SLC35F4: variants seen among roughly 807,000 people sequenced by gnomAD.
SLC35F4 encodes the protein chromosome 14 open reading frame 36.
A neutral mutation model predicts 44.2 loss-of-function variants in SLC35F4; 24 were observed. The ratio of observed to expected loss-of-function variants is 0.54; its 90% CI spans 0.39 to 0.76. SLC35F4 has a LOEUF of 0.76. Ranked by LOEUF, SLC35F4 falls within the 30% of genes least tolerant of loss-of-function variation. The probability of loss-of-function intolerance (pLI) is 0.00; values close to 1 mark genes in which losing one functional copy is unlikely to be tolerated. For synonymous variants in SLC35F4, 238 were observed against 223.6 expected (o/e 1.06, Z -0.57); for missense variants, 562 against 586.1 (o/e 0.96, Z 0.42).
At chr14:57,667,664 T>G (rs1453471544) in intron 1 of SLC35F4, among the ~76,000 whole-genome samples, 2 of 151,868 alleles carry the variant, frequency 1.3e-5, no homozygotes. Context: ...GGACATGAAC[T>G]CATCCTTGTT....
intron 1 of SLC35F4, among the ~76,000 whole-genome samples, chr14:57,940,096 G>C (rs1889888919): frequency 6.6e-6 from 1 of 152,174 alleles, no homozygotes; most frequent in Non-Finnish European, 1.5e-5. Context: ...ATCCTCCAGT[G>C]CTCAGCAAGG....
intron 1 of SLC35F4, among the ~76,000 whole-genome samples, chr14:57,685,920 T>C (rs2075053217): frequency 6.6e-6 from 1 of 152,224 alleles, no homozygotes; most frequent in African/African-American, 2.4e-5. Flanking sequence ...CAGATAACCA[T>C]GTTCATTTGA....
chr14:57,672,658 T>C (rs2074556693), intron 1 of SLC35F4, among the ~76,000 whole-genome samples: 1 of 152,084 alleles, frequency 6.6e-6, no homozygotes, highest in Non-Finnish European at 1.5e-5. Context: ...TCAAATCTAC[T>C]TAAGAGAACT....
chr14:57,941,304 A>G (rs1889912235), intron 1 of SLC35F4, among the ~76,000 whole-genome samples: 1 of 152,244 alleles, frequency 6.6e-6, no homozygotes, highest in African/African-American at 2.4e-5. Flanking sequence ...ATTAATGGAT[A>G]AATGGCTAAA....
At chr14:57,972,086 T>C (rs1187210761), downstream of SLC35F4, among the ~76,000 whole-genome samples, 1 of 149,650 alleles carries the variant, frequency 6.7e-6, no homozygotes, top group African/African-American at 2.4e-5. Flanking sequence ...CAGCATGAGG[T>C]GGAAAAGAGT....
At position 57,937,385 on chromosome 14, in the gene SLC35F4, T is replaced by C. The variant is rs17093968; in HGVS notation, n.282+44528A>G. 0.023 allele frequency among the ~76,000 whole-genome samples: 3,451 copies of C among 152,060 alleles called. 404 individuals carry two copies. The East Asian group carries it at 0.39, about 17-fold the overall frequency. ...ACCTGGCCTTTACCCACTTTTGAAATGTAGCTGCCTTGATCTAGTCACAGT... is the reference window on the plus strand; with the variant it reads ...ACCTGGCCTTTACCCACTTTTGAAACGTAGCTGCCTTGATCTAGTCACAGT... On this transcript the variant is annotated intron_variant and non_coding_transcript_variant, in intron 1 of 1. Transcript: ENST00000556568.
At chr14:57,956,791 A>T (rs1890246206) in intron 1 of SLC35F4, among the ~76,000 whole-genome samples, 1 of 152,238 alleles carries the variant, frequency 6.6e-6, no homozygotes, top group African/African-American at 2.4e-5. Flanking sequence ...TCAGGAAACA[A>T]CAGATGCTGG....
chr14:57,819,357 T>A (rs1882926140), intron 1 of SLC35F4, among the ~76,000 whole-genome samples: 1 of 152,128 alleles, frequency 6.6e-6, no homozygotes, highest in Admixed American at 6.5e-5. Flanking sequence ...ACACAATGTT[T>A]AACAATAAGG....
At position 57,740,208 on chromosome 14, in the gene SLC35F4, T is replaced by C. The variant is rs1028627586; in HGVS notation, c.103+125515A>G. Among the ~76,000 whole-genome samples, 5 of 152,258 alleles carry C rather than the reference T, an allele frequency of 3.3e-5. No homozygotes were observed. In the East Asian group the frequency reaches 9.6e-4, roughly 29 times the overall value. ...GCTCTTGGGAGACTACTGTATCTAATTGAAAGAATGATATAAAAAAACCAC... is the reference window on the plus strand; with the variant it reads ...GCTCTTGGGAGACTACTGTATCTAACTGAAAGAATGATATAAAAAAACCAC... On this transcript the variant is annotated intron_variant, in intron 1 of 7. Coordinates refer to ENST00000556826, the MANE Select transcript of SLC35F4 (RefSeq NM_001306087.2).
intron 1 of SLC35F4, among the ~76,000 whole-genome samples, chr14:57,756,442 A>C (rs777123219): frequency 6.6e-6 from 1 of 152,096 alleles, no homozygotes; most frequent in Admixed American, 6.5e-5. Flanking sequence ...AGCAGAAAAC[A>C]TACTCTGTAT....
rs138438239 is a variant in SLC35F4, at chr14:57,572,219, G to C, written c.808-200C>G. 2.0e-3 allele frequency among the ~76,000 whole-genome samples: 300 copies of C among 152,146 alleles called. 1 individual carries two copies. The highest frequency in any genetic ancestry group is 6.9e-3 in the African/African-American group (287 of 41,522). Reference sequence around the variant, plus strand: ...TATCCAGGCACAGAATATAAAAGCTGTTCACATTCTAATTAAAGACTAGTA... The same window carrying C: ...TATCCAGGCACAGAATATAAAAGCTCTTCACATTCTAATTAAAGACTAGTA... On this transcript the variant is annotated intron_variant, in intron 4 of 7. Coordinates refer to ENST00000556826, the MANE Select transcript of SLC35F4 (RefSeq NM_001306087.2).
chr14:57,675,662 G>C (rs1456154028), intron 1 of SLC35F4, among the ~76,000 whole-genome samples: 1 of 151,962 alleles, frequency 6.6e-6, no homozygotes, highest in African/African-American at 2.4e-5. Context: ...GTCATATATT[G>C]CTTTTATTAC....
chr14:57,721,579 C>A (rs2076085941), intron 1 of SLC35F4, among the ~76,000 whole-genome samples: 1 of 152,120 alleles, frequency 6.6e-6, no homozygotes, highest in African/African-American at 2.4e-5. Context: ...ATGTGAGTGG[C>A]AAACCTGCCA....
chr14:57,803,008 A>C (rs2078227972), intron 1 of SLC35F4, among the ~76,000 whole-genome samples: 1 of 133,698 alleles, frequency 7.5e-6, no homozygotes, highest in Admixed American at 7.6e-5. Flanking sequence ...AAAAAAAAAG[A>C]AATTGCAGGC....
At chr14:57,645,881 C>A (rs1384718504) in intron 1 of SLC35F4, among the ~76,000 whole-genome samples, 1 of 151,968 alleles carries the variant, frequency 6.6e-6, no homozygotes, top group African/African-American at 2.4e-5. Flanking sequence ...TTGAGATAAT[C>A]ATGTGGTTTT....
chr14:57,704,392 C>T (rs1358618178), intron 1 of SLC35F4, among the ~76,000 whole-genome samples: 2 of 152,098 alleles, frequency 1.3e-5, no homozygotes, highest in Admixed American at 1.3e-4. Flanking sequence ...TGTCAATGGC[C>T]AGATAGTAAT....
chr14:57,969,470 G>T (rs1323593340), intron 1 of SLC35F4, among the ~76,000 whole-genome samples: 1 of 152,128 alleles, frequency 6.6e-6, no homozygotes, highest in African/African-American at 2.4e-5. Flanking sequence ...ATATGAAAGA[G>T]AAATTTTTAA....
chr14:57,565,698 G>T (rs2068171039), intron 7 of SLC35F4, among the ~76,000 whole-genome samples: 1 of 152,070 alleles, frequency 6.6e-6, no homozygotes, highest in Non-Finnish European at 1.5e-5. Flanking sequence ...AAATTATTCT[G>T]TAGAGTTCCA....
At chr14:57,727,772 A>T (rs1311063628) in intron 1 of SLC35F4, among the ~76,000 whole-genome samples, 1 of 152,118 alleles carries the variant, frequency 6.6e-6, no homozygotes, top group African/African-American at 2.4e-5. Context: ...CATTTTTCTG[A>T]ATGTTTTAAG....
Sources: gnomAD v4.1 joint callset for allele counts (sites outside exome capture counted in the v4.1 genomes callset) on GRCh38, gnomAD v4.1.1 for gene constraint, MANE v1.5 for transcripts, NCBI Gene and HGNC (gene_info 2026-07-23, HGNC 2026-07-21) for gene names.